Variants in FGF13 observed in about 807,000 individuals in gnomAD.
FGF13 encodes the protein fibroblast growth factor homologous factor 2.
A neutral mutation model predicts 19.5 loss-of-function variants in FGF13; 2 were observed. The ratio of observed to expected loss-of-function variants is 0.10; its 90% CI spans 0.04 to 0.32. FGF13 has a LOEUF of 0.32. FGF13 is among the 10% of genes least tolerant of loss of function. The pLI is 1.00. For missense variants in FGF13, 113 were observed against 192.7 expected, an observed-to-expected ratio of 0.59 and a Z score of 2.45; for synonymous variants, 72 against 76.9, an observed-to-expected ratio of 0.94 and a Z score of 0.33.
At position 138,616,325 on chromosome X, in the gene FGF13, G is replaced by A. The variant is rs1251002483; in HGVS notation, c.*16525C>T. ...GTTGGCCAAAACAAAGGGGCTATAGGCCCATGCAAGTCCAAAATCCAATAG... is the reference window on the plus strand; with the variant it reads ...GTTGGCCAAAACAAAGGGGCTATAGACCCATGCAAGTCCAAAATCCAATAG... On this transcript the variant is annotated 3_prime_UTR_variant, in exon 5 of 5. Transcript: ENST00000315930. 1 of 112,437 alleles carries A rather than the reference G, an allele frequency of 8.9e-6. No individual in the cohort carries two copies. The highest frequency in any genetic ancestry group is 1.9e-5 in the Non-Finnish European group (1 of 53,275). 9.3% of individuals were successfully genotyped at this position (112,437 alleles called of 1,213,427 possible).
chrX:138,958,504 A>G (rs2091852463), intron 1 of FGF13, among the ~76,000 whole-genome samples: 1 of 111,705 alleles, frequency 9.0e-6, no homozygotes, highest in Non-Finnish European at 1.9e-5. Flanking sequence ...TGTCTCTGCC[A>G]GGCTTTGGTA....
At chrX:139,138,661 G>A (rs1385365679) in intron 1 of FGF13, among the ~76,000 whole-genome samples, 1 of 111,520 alleles carries the variant, frequency 9.0e-6, no homozygotes, top group East Asian at 2.8e-4. Context: ...ATGTACCCCA[G>A]GCCTCAGAAT....
chrX:138,715,180 A>G (rs1307664478), upstream of FGF13, among the ~76,000 whole-genome samples: 1 of 112,285 alleles, frequency 8.9e-6, no homozygotes, highest in African/African-American at 3.2e-5. Flanking sequence ...ATGTTCAGAA[A>G]GAAAGCATTC....
chrX:138,981,914 A>C (rs781158606), intron 1 of FGF13, among the ~76,000 whole-genome samples: 3 of 111,451 alleles, frequency 2.7e-5, no homozygotes, highest in South Asian at 3.8e-4. Context: ...TTCAGAATCA[A>C]GGATCACACT....
At chrX:139,083,367 A>G (rs138736399) in intron 1 of FGF13, among the ~76,000 whole-genome samples, 1,565 of 112,115 alleles carry the variant, frequency 0.014, 24 homozygotes, top group African/African-American at 0.047. Context: ...TGCCTTAGAT[A>G]GAACCTGGTC....
At chrX:138,838,542 T>C (rs1351889975) in intron 3 of FGF13, among the ~76,000 whole-genome samples, 4 of 111,889 alleles carry the variant, frequency 3.6e-5, no homozygotes, top group Admixed American at 2.8e-4. Flanking sequence ...GGAGGTTCAC[T>C]TGGTTCTGTG....
At chrX:138,728,837 G>A (rs1466832190) in intron 1 of FGF13, among the ~76,000 whole-genome samples, 3 of 111,177 alleles carry the variant, frequency 2.7e-5, no homozygotes, top group African/African-American at 6.5e-5. Flanking sequence ...CACAGAGCTT[G>A]CAGAAGTATG....
At chrX:139,154,564 C>A (rs2083962425) in intron 1 of FGF13, among the ~76,000 whole-genome samples, 2 of 112,069 alleles carry the variant, frequency 1.8e-5, no homozygotes, top group African/African-American at 6.5e-5. Flanking sequence ...TTAGAAAAGT[C>A]TCCAATAGCA....
intron 1 of FGF13, among the ~76,000 whole-genome samples, chrX:139,083,630 G>T (rs1177689683): frequency 9.0e-6 from 1 of 111,688 alleles, no homozygotes; most frequent in Non-Finnish European, 1.9e-5. Flanking sequence ...CCAGCACTTT[G>T]GGAGGCCGAG....
At chrX:139,107,122 G>A (rs1315543859) in intron 1 of FGF13, among the ~76,000 whole-genome samples, 1 of 111,815 alleles carries the variant, frequency 8.9e-6, no homozygotes, top group East Asian at 2.8e-4. Flanking sequence ...GGGAGGAGGG[G>A]TGTGAACAAG....
At chrX:139,159,210 T>A (rs1348739071) in intron 1 of FGF13, among the ~76,000 whole-genome samples, 2 of 111,898 alleles carry the variant, frequency 1.8e-5, no homozygotes, top group Non-Finnish European at 3.8e-5. Flanking sequence ...GACCCAGAAT[T>A]TCATATGCAG....
At chrX:139,155,028 T>C (rs1280976757) in intron 1 of FGF13, among the ~76,000 whole-genome samples, 1 of 111,817 alleles carries the variant, frequency 8.9e-6, no homozygotes, top group East Asian at 2.8e-4. Context: ...TATACATACA[T>C]ACAAAGCTTG....
chrX:138,891,851 G>A (rs771932730), intron 1 of FGF13, among the ~76,000 whole-genome samples: 1 of 110,609 alleles, frequency 9.0e-6, no homozygotes, highest in Admixed American at 9.7e-5. Flanking sequence ...GATGCTTCCT[G>A]CCCCCAAACA....
chrX:138,856,206 T>C (rs1478944155), downstream of FGF13, among the ~76,000 whole-genome samples: 2 of 111,472 alleles, frequency 1.8e-5, no homozygotes, highest in Non-Finnish European at 3.8e-5. Context: ...GTGGTCACAC[T>C]CAACGTGAAT....
chrX:138,714,471 C>A (rs776490267), upstream of FGF13, among the ~76,000 whole-genome samples: 3 of 111,597 alleles, frequency 2.7e-5, no homozygotes, highest in South Asian at 1.1e-3. Flanking sequence ...CATGGTGAAA[C>A]CCTGTCTCTA....
intron 1 of FGF13, among the ~76,000 whole-genome samples, chrX:138,867,882 T>C (rs779164337): frequency 9.1e-6 from 1 of 110,174 alleles, no homozygotes; most frequent in South Asian, 4.0e-4. Context: ...GAATTCAAGT[T>C]AACGTGAAGG....
chrX:139,004,573 G>A (rs1218375058), intron 1 of FGF13, among the ~76,000 whole-genome samples: 2 of 112,684 alleles, frequency 1.8e-5, no homozygotes, highest in Admixed American at 1.9e-4. Flanking sequence ...AGGACTGCCA[G>A]CACGCTGTCA....
chrX:139,124,064 A>G (rs2083697431), intron 1 of FGF13, among the ~76,000 whole-genome samples: 2 of 112,352 alleles, frequency 1.8e-5, no homozygotes, highest in Non-Finnish European at 3.8e-5. Context: ...CACTCTCTTG[A>G]CACTACAAAG....
At chrX:138,847,057 A>G (rs189358638) in intron 3 of FGF13, among the ~76,000 whole-genome samples, 292 of 111,528 alleles carry the variant, frequency 2.6e-3, no homozygotes, top group African/African-American at 8.2e-3. Context: ...TTATTCCTTT[A>G]CACTTAAGAT....
Sources: allele counts gnomAD v4.1 joint callset (sites outside exome capture counted in the v4.1 genomes callset), GRCh38; gene constraint gnomAD v4.1.1; transcripts MANE v1.5; gene names NCBI Gene and HGNC (gene_info 2026-07-23, HGNC 2026-07-21).